STAG3: variants seen among roughly 807,000 people sequenced by gnomAD.
STAG3 encodes cohesin subunit SA-3.
STAG3 carries 101 observed loss-of-function variants against 160.7 expected under a neutral mutation model. That is an observed-to-expected ratio of 0.63 (90% CI 0.54 to 0.74). The LOEUF (loss-of-function observed/expected upper bound fraction) is 0.74, where lower values mean the gene tolerates loss of function less well. Ranked by LOEUF, STAG3 falls within the 30% of genes least tolerant of loss-of-function variation. The pLI, the probability that STAG3 is intolerant of heterozygous loss-of-function variation, is 0.00. For missense variants in STAG3, 1,188 were observed against 1,517.4 expected, an observed-to-expected ratio of 0.78 and a Z score of 3.61; for synonymous variants, 519 against 585.0, an observed-to-expected ratio of 0.89 and a Z score of 1.63.
chr7:100,179,399 AT>A (rs1394410434), intron 1 of STAG3, among the ~76,000 whole-genome samples: 1 of 148,596 alleles, frequency 6.7e-6, no homozygotes, highest in Non-Finnish European at 1.5e-5. Context: ...GTTTTTGCTT[AT>A]TTTTTGTAGA....
intron 8 of STAG3, among the ~76,000 whole-genome samples, chr7:100,190,305 ACT>A (rs1338114164): frequency 6.6e-6 from 1 of 151,914 alleles, no homozygotes; most frequent in Non-Finnish European, 1.5e-5. Context: ...TTTTCTCCTC[ACT>A]CTCTGTTAGT....
In STAG3 at chr7:100,177,977, G is replaced by A. The variant is rs1450446595; in HGVS notation, c.-93G>A. On this transcript the variant is annotated 5_prime_UTR_variant, in exon 1 of 34. Coordinates refer to ENST00000615138, the MANE Select transcript of STAG3 (RefSeq NM_001282717.2). ...CGGCGGGCGCCTGTGTGGAAGGTGG[G>A]GTGGCCAGAGACACCCGAGGGACCT... The A allele has an allele frequency of 6.6e-6, 1 of 152,480 alleles. No homozygotes were observed. Among genetic ancestry groups the A allele is most frequent in the Non-Finnish European group, 1.5e-5 (1 of 68,220 alleles). The allele number at this position is 152,480 out of a possible 1,614,324, so 9.4% of individuals were successfully genotyped here.
At chr7:100,217,725 A>C (rs565914303), downstream of STAG3, among the ~76,000 whole-genome samples, 41 of 152,230 alleles carry the variant, frequency 2.7e-4, no homozygotes, top group East Asian at 4.5e-3. Flanking sequence ...AGGGGTCTTT[A>C]CCTTTTAGGT....
At position 100,201,807 on chromosome 7, in the gene STAG3, C is replaced by G. The variant is rs765579451; in HGVS notation, c.2242C>G (p.Leu748Val). The change falls in exon 22 of 34, where the codon CTT becomes GTT. Residue 748 changes from leucine (L) to valine (V), a missense_variant. By Grantham distance (32) the Leu-to-Val change is conservative. Transcript: ENST00000615138. ...ACAGGTTATCCTGCCAGCCTTGACT[C>G]TTGTCTATTTTTCCATTCTCTGGAC... is the stretch of plus-strand genomic sequence containing the variant. ...PHQVILPALTLVYFSILWTLT... is the reference protein window; with the variant it reads ...PHQVILPALTVVYFSILWTLT... The G allele has an allele frequency of 6.2e-7, 1 of 1,614,156 alleles. No homozygotes were observed. The highest frequency in any genetic ancestry group is 1.7e-5 in the Admixed American group (1 of 60,018).
rs1801095127 is a variant in STAG3 at position 100,201,139 on chromosome 7, A to T, written c.2111A>T (p.Lys704Ile). 1.2e-6 allele frequency: 2 copies of T among 1,614,098 alleles called. No individual in the cohort carries two copies. The highest frequency in any genetic ancestry group is 1.7e-6 in the Non-Finnish European group (2 of 1,180,060). ...GTATATAATCTGGCAGCCACTCTGA[A>T]ACGCCTCTCTGCCTTCTACAAGTGA... ...DEVYNLAATL[K>I]RLSAFYNTHD... is the part of the protein sequence containing the mutation. The change falls in exon 20 of 34, where the codon AAA (lysine) becomes ATA (isoleucine). Residue 704 changes from lysine to isoleucine, a missense_variant. By Grantham distance (102) the Lys-to-Ile change is moderately radical. Coordinates refer to ENST00000615138, the MANE Select transcript of STAG3 (RefSeq NM_001282717.2).
intron 25 of STAG3, 58 bp downstream of exon 25, chr7:100,202,648 C>G: frequency 1.3e-6 from 2 of 1,579,452 alleles, no homozygotes; most frequent in South Asian, 2.3e-5. Flanking sequence ...ACAGCCATGA[C>G]TTGGAAACAT....
intron 8 of STAG3, among the ~76,000 whole-genome samples, chr7:100,192,369 A>G (rs1230825866): frequency 6.6e-6 from 1 of 152,120 alleles, no homozygotes; most frequent in East Asian, 1.9e-4. Flanking sequence ...TACTAAAAAT[A>G]CAAAAATTAG....
intron 9 of STAG3, among the ~76,000 whole-genome samples, chr7:100,196,579 G>C (rs1388938680): frequency 5.3e-5 from 8 of 152,192 alleles, no homozygotes; most frequent in Non-Finnish European, 1.0e-4. Flanking sequence ...ATCACTTGAG[G>C]TCAGGAGTTC....
chr7:100,182,798 G>T lies in STAG3; in HGVS notation c.295G>T (p.Asp99Tyr). 6.2e-7 allele frequency: 1 copy of T among 1,613,934 alleles called. No homozygotes were observed. The highest frequency in any genetic ancestry group is 1.3e-5 in the African/African-American group (1 of 75,010). ...SRKQSEPPAN[D>Y]LFNAVKAAKS... is the part of the protein sequence containing the mutation. ...GAAACAGTCAGAGCCACCAGCCAATGATCTTTTCAATGCTGTGAAAGCCGC... is the reference window on the plus strand; with the variant it reads ...GAAACAGTCAGAGCCACCAGCCAATTATCTTTTCAATGCTGTGAAAGCCGC... Residue 99 changes from aspartate to tyrosine, a missense_variant, in exon 4 of 34, where the codon GAT becomes TAT. This residue lies in a region of STAG3 where 296 missense variants were observed against 404.0 expected (regional missense o/e 0.73). Transcript: ENST00000615138.
At chr7:100,210,941 C>G (rs1276200657) in intron 29 of STAG3, 70 bp from the exon 30 acceptor site, 2 of 1,491,166 alleles carry the variant, frequency 1.3e-6, no homozygotes, top group African/African-American at 2.8e-5. Flanking sequence ...AAATCCTGGG[C>G]AGGTCTTGGA....
downstream of STAG3, among the ~76,000 whole-genome samples, chr7:100,214,788 C>T (rs937364117): frequency 6.6e-6 from 1 of 152,178 alleles, no homozygotes; most frequent in Admixed American, 6.5e-5. Context: ...GATCAAATCA[C>T]AGTATCTGAG....
intron 24 of STAG3, 52 bp downstream of exon 24, chr7:100,202,392 C>T (rs563157647): frequency 1.2e-6 from 2 of 1,609,564 alleles, no homozygotes; most frequent in South Asian, 2.2e-5. Flanking sequence ...TTGGGTGTAG[C>T]TCAGAAATAT....
chr7:100,218,863 A>G (rs147142309), downstream of STAG3: 142 of 217,728 alleles, frequency 6.5e-4, no homozygotes, highest in African/African-American at 3.0e-3. Context: ...GTCACTCATC[A>G]GCGCAGATTC....
At chr7:100,185,412 T>C (rs543382770) in intron 4 of STAG3, among the ~76,000 whole-genome samples, 187 of 152,156 alleles carry the variant, frequency 1.2e-3, no homozygotes, top group Non-Finnish European at 2.4e-3. Context: ...CTGGCCAATA[T>C]GGTGAAACCC....
At chr7:100,209,347 G>A (rs1801958613) in intron 29 of STAG3, among the ~76,000 whole-genome samples, 1 of 152,170 alleles carries the variant, frequency 6.6e-6, no homozygotes, top group Admixed American at 6.5e-5. Context: ...ACCAAAGGAA[G>A]CAGCCAGTCC....
rs1417136215 is a variant in STAG3 at position 100,213,688 on chromosome 7, C to CA, written c.3601-46dup. 3 of 1,613,594 alleles carry CA rather than the reference C, an allele frequency of 1.9e-6. No homozygotes were observed. In the African/African-American group the frequency reaches 4.0e-5, roughly 22 times the overall value. On this transcript the variant is annotated intron_variant, in intron 32 of 33. Coordinates refer to ENST00000615138, the MANE Select transcript of STAG3 (RefSeq NM_001282717.2). ...ACTGGTTTTTTTATTTGCGAAGTGA[C>CA]AGGAGTGTGTAAAGGCCTTTTTGAC...
At chr7:100,183,020 T>C (rs1248454899) in intron 4 of STAG3, among the ~76,000 whole-genome samples, 181 bp downstream of exon 4, 1 of 144,700 alleles carries the variant, frequency 6.9e-6, no homozygotes, top group Non-Finnish European at 1.5e-5. Context: ...GAGCATGTTC[T>C]TTTTTTTTTT....
chr7:100,217,880 A>C (rs1409419782), downstream of STAG3, among the ~76,000 whole-genome samples: 1 of 151,852 alleles, frequency 6.6e-6, no homozygotes. Flanking sequence ...CATGAAAGTG[A>C]AACAGGAGGG....
Position 100,180,577 on chromosome 7 carries a change from A to G in STAG3, c.21A>G (p.Arg7=). The stretch of plus-strand genomic sequence containing the variant: ...CAAGCATGTCTTCCCCGTTGCAAAG[A>G]GCTGTGGGAGATACCAAGAGGGCCT... MSSPLQ[R]AVGDTKRALS... The change falls in exon 2 of 34, where the codon AGA becomes AGG. Residue 7 remains arginine, a synonymous_variant. Coordinates refer to ENST00000615138, the MANE Select transcript of STAG3 (RefSeq NM_001282717.2). 5 of 1,611,978 alleles carry G rather than the reference A, an allele frequency of 3.1e-6. No individual in the cohort carries two copies. The highest frequency in any genetic ancestry group is 4.2e-6 in the Non-Finnish European group (5 of 1,178,050).
Sources: allele counts gnomAD v4.1 joint callset (sites outside exome capture counted in the v4.1 genomes callset), GRCh38; gene constraint gnomAD v4.1.1; regional missense constraint gnomAD v4.1.1; transcripts MANE v1.5; gene names NCBI Gene and HGNC (gene_info 2026-07-23, HGNC 2026-07-21).